Variants in ANKRD17 observed in about 807,000 individuals in gnomAD.
ANKRD17 encodes the protein ankyrin repeat domain-containing protein 17.
In ANKRD17, 19 loss-of-function variants were observed where a neutral mutation model predicts 229.7. That is an observed-to-expected ratio of 0.08 (90% CI 0.06 to 0.12). The LOEUF (loss-of-function observed/expected upper bound fraction) is 0.12, where lower values mean the gene tolerates loss of function less well. ANKRD17 is among the 10% of genes least tolerant of loss of function. The pLI, the probability that ANKRD17 is intolerant of heterozygous loss-of-function variation, is 1.00. For synonymous variants in ANKRD17, 1,112 were observed against 1,146.1 expected (o/e 0.97, Z 0.60); for missense variants, 2,176 against 3,176.8 (o/e 0.68, Z 7.57).
chr4:73,227,101 T>G (rs927573546), intron 1 of ANKRD17, among the ~76,000 whole-genome samples: 4 of 152,144 alleles, frequency 2.6e-5, no homozygotes, highest in African/African-American at 9.7e-5. Flanking sequence ...AAAGAGAAAT[T>G]TATACATATT....
intron 3 of ANKRD17, among the ~76,000 whole-genome samples, chr4:73,160,046 A>T (rs1560621849): frequency 1.3e-5 from 2 of 152,150 alleles, no homozygotes; most frequent in Non-Finnish European, 2.9e-5. Context: ...CAAATAGAAT[A>T]TTCAGATGTT....
chr4:73,234,732 A>G (rs1249891313), intron 1 of ANKRD17, among the ~76,000 whole-genome samples: 1 of 152,206 alleles, frequency 6.6e-6, no homozygotes, highest in Non-Finnish European at 1.5e-5. Context: ...ACCTAAGTAG[A>G]TGCCCATACT....
intron 1 of ANKRD17, among the ~76,000 whole-genome samples, chr4:73,235,970 C>T (rs1223242265): frequency 6.6e-6 from 1 of 151,908 alleles, no homozygotes; most frequent in Non-Finnish European, 1.5e-5. Flanking sequence ...TCCCAAAGTA[C>T]TGGGATTACA....
chr4:73,231,560 C>A (rs887383862), intron 1 of ANKRD17, among the ~76,000 whole-genome samples: 45 of 152,286 alleles, frequency 3.0e-4, no homozygotes, highest in South Asian at 4.1e-4. Flanking sequence ...CAAAAGACTG[C>A]CTGTGATATC....
chr4:73,222,917 GAT>G, intron 1 of ANKRD17: 1 of 1,336,874 alleles, frequency 7.5e-7, no homozygotes, highest in African/African-American at 1.5e-5. Flanking sequence ...AATTCCGGCA[GAT>G]AAGATTTCTT....
chr4:73,216,962 A>G (rs1025198581), intron 1 of ANKRD17, among the ~76,000 whole-genome samples: 2 of 152,234 alleles, frequency 1.3e-5, no homozygotes, highest in African/African-American at 4.8e-5. Context: ...CCAATGGTTA[A>G]CAAGACTGTG....
At chr4:73,100,951 G>A (rs1301764522) in intron 25 of ANKRD17, 1 of 985,098 alleles carries the variant, frequency 1.0e-6, no homozygotes, top group Non-Finnish European at 1.2e-6. Flanking sequence ...ACCAACACTA[G>A]ATTGAAAGTA....
intron 1 of ANKRD17, among the ~76,000 whole-genome samples, chr4:73,219,678 T>G (rs1009950399): frequency 2.6e-5 from 4 of 152,074 alleles, no homozygotes; most frequent in African/African-American, 9.7e-5. Flanking sequence ...CCATAGAGAG[T>G]TGGCACTTTT....
intron 1 of ANKRD17, among the ~76,000 whole-genome samples, chr4:73,202,551 G>C (rs550530623): frequency 9.5e-4 from 144 of 152,164 alleles, no homozygotes; most frequent in African/African-American, 3.4e-3. Context: ...AGATTTCATT[G>C]AACACATAGG....
chr4:73,216,158 TA>T (rs1741002237), intron 1 of ANKRD17, among the ~76,000 whole-genome samples: 1 of 152,238 alleles, frequency 6.6e-6, no homozygotes, highest in Admixed American at 6.5e-5. Context: ...AAGATATTTA[TA>T]AAAATGTAAA....
Position 73,172,131 on chromosome 4 carries a change from C to T in ANKRD17, c.547+5249G>A, listed in dbSNP as rs568256097. 5.3e-4 allele frequency among the ~76,000 whole-genome samples: 81 copies of T among 152,260 alleles called. 1 individual carries two copies. In the South Asian group the frequency reaches 0.016, roughly 29 times the overall value. On this transcript the variant is annotated intron_variant, in intron 2 of 33. Transcript: ENST00000358602. ...AGACTACCCCAAGGCACTTAATAAT[C>T]AAACTTCCAAAGGTCAAGGAGGTAA... is the stretch of plus-strand genomic sequence containing the variant.
chr4:73,258,364 C>T lies in ANKRD17; in HGVS notation c.305G>A (p.Gly102Asp), dbSNP rs754036203. ...GCCGCCGCCGCCACCTCCGCCTCCA[C>T]CGCCGCCTCCACCGCCGCCGCTGTT... Reference protein sequence around the residue: ...SDNSGGGGGGGGGGGGGGGTS... With the variant: ...SDNSGGGGGGDGGGGGGGGTS... The change falls in exon 1 of 34, where the codon GGT becomes GAT. Residue 102 changes from glycine (G) to aspartate (D), a missense_variant. Gly to Asp is a moderately conservative substitution (Grantham distance 94). This residue lies in a region of ANKRD17 where 196 missense variants were observed against 190.0 expected (regional missense o/e 1.03). Transcript: ENST00000358602. 3.2e-6 allele frequency: 5 copies of T among 1,568,302 alleles called. No homozygotes were observed. The highest frequency in any genetic ancestry group is 4.3e-6 in the Non-Finnish European group (5 of 1,150,512).
At chr4:73,146,168 C>A (rs1256532729) in intron 10 of ANKRD17, among the ~76,000 whole-genome samples, 2 of 152,138 alleles carry the variant, frequency 1.3e-5, no homozygotes, top group African/African-American at 2.4e-5. Context: ...TTAGCCACAA[C>A]ACTGCCATAT....
intron 10 of ANKRD17, 135 bp from the exon 11 acceptor site, chr4:73,144,967 T>A: frequency 1.8e-6 from 1 of 547,278 alleles, no homozygotes; most frequent in South Asian, 3.5e-5. Flanking sequence ...TGAAGCAAAT[T>A]AAGAAATATA....
chr4:73,109,710 G>C (rs758439445), intron 24 of ANKRD17, among the ~76,000 whole-genome samples: 1 of 152,098 alleles, frequency 6.6e-6, no homozygotes, highest in African/African-American at 2.4e-5. Flanking sequence ...AAAAGGGTTC[G>C]TTGTCACACA....
intron 24 of ANKRD17, 120 bp from the exon 25 acceptor site, chr4:73,102,667 C>G: frequency 8.8e-7 from 1 of 1,131,284 alleles, no homozygotes. Flanking sequence ...TCATCTAGTT[C>G]AATTCATTGT....
At chr4:73,177,653 T>C (rs1298178984) in intron 1 of ANKRD17, 120 bp from the exon 2 acceptor site, 2 of 719,450 alleles carry the variant, frequency 2.8e-6, no homozygotes, top group Admixed American at 5.5e-5. Flanking sequence ...TTAACAATGG[T>C]AAACACAGTG....
At chr4:73,249,537 T>A (rs1744796235) in intron 1 of ANKRD17, among the ~76,000 whole-genome samples, 1 of 152,240 alleles carries the variant, frequency 6.6e-6, no homozygotes, top group Non-Finnish European at 1.5e-5. Flanking sequence ...AGTTTGAGTA[T>A]GAAGTAATAA....
intron 29 of ANKRD17, 48 bp downstream of exon 29, chr4:73,090,619 C>T: frequency 6.2e-7 from 1 of 1,606,552 alleles, no homozygotes; most frequent in Non-Finnish European, 8.5e-7. Context: ...ATTTTCACAT[C>T]ACTTGTGCAA....
Sources: allele counts gnomAD v4.1 joint callset (sites outside exome capture counted in the v4.1 genomes callset), GRCh38; gene constraint gnomAD v4.1.1; regional missense constraint gnomAD v4.1.1; transcripts MANE v1.5; gene names NCBI Gene and HGNC (gene_info 2026-07-23, HGNC 2026-07-21).